Variants in LRP1B observed in about 807,000 individuals in gnomAD.
The protein encoded by LRP1B is LDL receptor related protein 1B, also known as low-density lipoprotein receptor-related protein 1B.
A neutral mutation model predicts 556.6 loss-of-function variants in LRP1B; 217 were observed. That is an observed-to-expected ratio of 0.39 (90% CI 0.35 to 0.44). The LOEUF (loss-of-function observed/expected upper bound fraction) is 0.44. Among genes scored for constraint, LRP1B ranks in the 20% least tolerant of loss-of-function variants. The pLI, the probability that LRP1B is intolerant of heterozygous loss-of-function variation, is 1.00. For synonymous variants in LRP1B, 2,047 were observed against 1,865.8 expected, an observed-to-expected ratio of 1.10 and a Z score of -2.50; for missense variants, 5,053 against 5,620.8, an observed-to-expected ratio of 0.90 and a Z score of 3.23.
At chr2:141,196,323 G>A (rs531622416) in intron 6 of LRP1B, among the ~76,000 whole-genome samples, 1 of 152,018 alleles carries the variant, frequency 6.6e-6, no homozygotes, top group South Asian at 2.1e-4. Flanking sequence ...GTTTCTATTA[G>A]TATTTTTAAA....
Position 141,588,201 on chromosome 2 carries a change from T to C in LRP1B, c.206-107668A>G, listed in dbSNP as rs1014494094. Among the ~76,000 whole-genome samples the C allele has an allele frequency of 5.3e-5, 8 of 152,150 alleles. No homozygotes were observed. In the East Asian group the frequency reaches 1.5e-3, roughly 29 times the overall value. ...GTCCACAATATCTCAAGGAACAAAG[T>C]TGTTAAAATTTGTCTTCATTAATCC... On this transcript the variant is annotated intron_variant, in intron 2 of 90. Transcript: ENST00000389484.
At chr2:141,776,756 G>A (rs1242867084) in intron 2 of LRP1B, among the ~76,000 whole-genome samples, 1 of 152,168 alleles carries the variant, frequency 6.6e-6, no homozygotes, top group Admixed American at 6.5e-5. Flanking sequence ...TAAATGAGAT[G>A]CTATACTTGA....
chr2:141,302,831 A>G (rs950997318), intron 3 of LRP1B, among the ~76,000 whole-genome samples: 1 of 152,136 alleles, frequency 6.6e-6, no homozygotes, highest in African/African-American at 2.4e-5. Flanking sequence ...AGTACTTCAG[A>G]CAAAATAGCT....
chr2:141,045,511 A>T (rs1317670227), intron 11 of LRP1B, among the ~76,000 whole-genome samples: 3 of 152,104 alleles, frequency 2.0e-5, no homozygotes, highest in Non-Finnish European at 2.9e-5. Context: ...TACACCTGGC[A>T]AGAATGGCTA....
chr2:141,909,787 T>C (rs760074142), intron 1 of LRP1B, among the ~76,000 whole-genome samples: 1 of 152,016 alleles, frequency 6.6e-6, no homozygotes, highest in Non-Finnish European at 1.5e-5. Flanking sequence ...TAAGAAATTC[T>C]AACTGGTAGA....
rs79742952 is a variant in LRP1B, at chr2:140,994,029, G to A, written c.2610C>T (p.Cys870=). ...ARWKCDGDDD[C]LDGSDEDSVN... is the part of the protein sequence containing the mutation. ...CTGAATCCTCATCGCTTCCGTCTAG[G>A]CAGTCATCGTCGCCATCACATTTCC... Residue 870 remains cysteine, a synonymous_variant, in exon 16 of 91, where the codon TGC becomes TGT. Coordinates refer to ENST00000389484, the MANE Select transcript of LRP1B (RefSeq NM_018557.3). 7.3e-4 allele frequency: 1,185 copies of A among 1,612,572 alleles called. 9 individuals carry two copies. In the African/African-American group the frequency reaches 0.013, roughly 18 times the overall value.
chr2:141,639,318 A>G (rs867375129), intron 2 of LRP1B, among the ~76,000 whole-genome samples: 5,612 of 27,560 alleles, frequency 0.2, 390 homozygotes, highest in Non-Finnish European at 0.26. Flanking sequence ...ATATATATAT[A>G]TATATATATA....
chr2:140,590,362 A>C (rs916315976), intron 43 of LRP1B, among the ~76,000 whole-genome samples: 30 of 148,822 alleles, frequency 2.0e-4, no homozygotes, highest in African/African-American at 7.1e-4. Flanking sequence ...TATATAGATG[A>C]ATGCTTTTTT....
At chr2:141,613,751 A>G in intron 2 of LRP1B, among the ~76,000 whole-genome samples, 1 of 152,096 alleles carries the variant, frequency 6.6e-6, no homozygotes, top group East Asian at 1.9e-4. Flanking sequence ...TTAAGATTAA[A>G]AGAATACTAC....
chr2:141,415,118 C>G (rs1016803920), intron 3 of LRP1B, among the ~76,000 whole-genome samples: 4 of 152,134 alleles, frequency 2.6e-5, no homozygotes, highest in African/African-American at 9.7e-5. Context: ...GGGTTCACGC[C>G]ATTCTCCTGG....
chr2:141,233,901 T>C (rs1683562337), intron 5 of LRP1B, among the ~76,000 whole-genome samples: 1 of 152,106 alleles, frequency 6.6e-6, no homozygotes, highest in African/African-American at 2.4e-5. Context: ...CTAGTTGTTC[T>C]ATATTCTAAT....
chr2:140,927,708 C>CGGAAGGCT (rs547324630), intron 20 of LRP1B, among the ~76,000 whole-genome samples: 16 of 116,088 alleles, frequency 1.4e-4, no homozygotes, highest in African/African-American at 4.6e-4. Context: ...ACGAGGAAGG[C>CGGAAGGCT]TTTTTTTTTT....
At chr2:140,889,111 T>C (rs1693726854) in intron 23 of LRP1B, among the ~76,000 whole-genome samples, 4 of 152,208 alleles carry the variant, frequency 2.6e-5, no homozygotes, top group Admixed American at 2.6e-4. Context: ...GTTATCTACA[T>C]AGACTGCTGC....
chr2:141,015,094 G>A (rs1697864160), intron 13 of LRP1B, among the ~76,000 whole-genome samples: 1 of 152,044 alleles, frequency 6.6e-6, no homozygotes, highest in Non-Finnish European at 1.5e-5. Context: ...ACTAAAACAT[G>A]AAATATAGAG....
chr2:141,209,304 G>T (rs538948643), intron 6 of LRP1B, among the ~76,000 whole-genome samples: 2 of 152,210 alleles, frequency 1.3e-5, no homozygotes, highest in African/African-American at 4.8e-5. Flanking sequence ...AGATCTGATG[G>T]TTTCATAAAG....
intron 72 of LRP1B, among the ~76,000 whole-genome samples, chr2:140,360,220 C>T (rs1682442542): frequency 6.6e-6 from 1 of 151,524 alleles, no homozygotes; most frequent in South Asian, 2.1e-4. Flanking sequence ...TCGTGCCAAT[C>T]CTGCAGACTC....
chr2:140,585,250 G>T lies in LRP1B; in HGVS notation c.7194+13381C>A, dbSNP rs1681939576. Among the ~76,000 whole-genome samples, 5 of 152,102 alleles carry T rather than the reference G, an allele frequency of 3.3e-5. No homozygotes were observed. In the South Asian group the frequency reaches 1.0e-3, roughly 32 times the overall value. On this transcript the variant is annotated intron_variant, in intron 43 of 90. Coordinates refer to ENST00000389484, the MANE Select transcript of LRP1B (RefSeq NM_018557.3). ...AATTAACGTTTTAACTCCTCAAAAT[G>T]CATCCTATGAGGCATAAACTATTAG...
chr2:140,427,322 A>G (rs1685705601), intron 66 of LRP1B, among the ~76,000 whole-genome samples: 1 of 152,102 alleles, frequency 6.6e-6, no homozygotes, highest in African/African-American at 2.4e-5. Context: ...GTTGCAGCCC[A>G]GGGCTGCTCC....
At chr2:141,882,302 A>G (rs1436710041) in intron 1 of LRP1B, among the ~76,000 whole-genome samples, 2 of 152,118 alleles carry the variant, frequency 1.3e-5, no homozygotes, top group African/African-American at 2.4e-5. Context: ...TTACCCCACT[A>G]TACTTCACTT....
Sources: allele counts gnomAD v4.1 joint callset (sites outside exome capture counted in the v4.1 genomes callset), GRCh38; gene constraint gnomAD v4.1.1; transcripts MANE v1.5; gene names NCBI Gene and HGNC (gene_info 2026-07-23, HGNC 2026-07-21).